Variants in CNTLN observed in about 807,000 individuals in gnomAD.
CNTLN encodes the protein centlein, also known as centlein, centrosomal protein.
A neutral mutation model predicts 180.0 loss-of-function variants in CNTLN; 212 were observed. That is an observed-to-expected ratio of 1.18 (90% confidence interval 1.05 to 1.32). The LOEUF is 1.32. CNTLN is among the 40% of genes most tolerant of loss of function. CNTLN has a pLI of 0.00. For synonymous variants in CNTLN, 722 were observed against 563.1 expected (o/e 1.28, Z -3.99); for missense variants, 2,095 against 1,610.9 (o/e 1.30, Z -5.14).
chr9:17,501,382 T>C (rs1430518838), intron 25 of CNTLN, among the ~76,000 whole-genome samples: 2 of 152,246 alleles, frequency 1.3e-5, no homozygotes, highest in African/African-American at 4.8e-5. Flanking sequence ...CTATTTCTCT[T>C]TCATGGCTAA....
intron 12 of CNTLN, among the ~76,000 whole-genome samples, chr9:17,359,717 T>TAAAAAAAAAAAAAAAAAAAAAAAAAA (rs1456379699): frequency 3.0e-4 from 4 of 13,474 alleles, no homozygotes; most frequent in Non-Finnish European, 5.2e-4. Flanking sequence ...CCGTCTATAC[T>TAAAAAAAAAAAAAAAAAAAAAAAAAA]AAAAATACAA....
chr9:17,157,325 G>T (rs1819366712), intron 2 of CNTLN, among the ~76,000 whole-genome samples: 1 of 152,126 alleles, frequency 6.6e-6, no homozygotes, highest in Admixed American at 6.5e-5. Context: ...GAGGTTTCAG[G>T]ATTATCCTTT....
intron 2 of CNTLN, among the ~76,000 whole-genome samples, chr9:17,161,015 ATT>A (rs1819640626): frequency 1.3e-5 from 2 of 152,298 alleles, no homozygotes; most frequent in South Asian, 4.1e-4. Context: ...GAAAGAGACA[ATT>A]TATAATAAGA....
chr9:17,345,689 C>G lies in CNTLN; in HGVS notation c.1886+3245C>G, dbSNP rs185159536. On this transcript the variant is annotated intron_variant, in intron 12 of 25. Coordinates refer to ENST00000380647, the MANE Select transcript of CNTLN (RefSeq NM_017738.4). ...CTTCTCCATTATAATACAGTTATCT[C>G]AAATATTTTCTCTAATTACATTGAG... is the stretch of plus-strand genomic sequence containing the variant. Among the ~76,000 whole-genome samples, 6 of 152,080 alleles carry G rather than the reference C, an allele frequency of 3.9e-5. No homozygotes were observed. The East Asian group carries it at 1.2e-3, about 29-fold the overall frequency.
intron 12 of CNTLN, among the ~76,000 whole-genome samples, chr9:17,344,213 A>C (rs1053812283): frequency 3.9e-5 from 6 of 152,212 alleles, no homozygotes; most frequent in Non-Finnish European, 8.8e-5. Context: ...TTAAAATTAG[A>C]GAACTCAGAA....
chr9:17,273,786 T>C lies in CNTLN; in HGVS notation c.903T>C (p.Ser301=). 1 of 1,566,592 alleles carries C rather than the reference T, an allele frequency of 6.4e-7. No individual in the cohort carries two copies. Among genetic ancestry groups the C allele is most frequent in the Non-Finnish European group, 8.6e-7 (1 of 1,158,696 alleles). ...GGAAAGAAGTTGAAGTATCACAGAG[T>C]AAATACAATGCTCTATCATTACAGT... ...EARKEVEVSQ[S]KYNALSLQLS... is the part of the protein sequence containing the mutation. The change falls in exon 6 of 26, where the codon AGT becomes AGC. Residue 301 remains serine, a synonymous_variant. Transcript: ENST00000380647.
chr9:17,218,238 A>G (rs974599830), intron 2 of CNTLN, among the ~76,000 whole-genome samples: 4 of 152,184 alleles, frequency 2.6e-5, no homozygotes, highest in African/African-American at 9.6e-5. Context: ...TATAAAAGCA[A>G]AGTAGATATA....
intron 19 of CNTLN, among the ~76,000 whole-genome samples, chr9:17,458,385 C>A (rs2134164788): frequency 6.6e-6 from 1 of 152,004 alleles, no homozygotes; most frequent in African/African-American, 2.4e-5. Context: ...ATTTATTCCT[C>A]ACATATTTAA....
chr9:17,298,569 A>C (rs992571275), intron 7 of CNTLN: 1 of 1,201,356 alleles, frequency 8.3e-7, no homozygotes, highest in Non-Finnish European at 1.0e-6. Context: ...TAAAATATAG[A>C]TACAAACTTA....
intron 2 of CNTLN, among the ~76,000 whole-genome samples, chr9:17,215,515 A>G (rs969685994): frequency 6.6e-6 from 1 of 152,172 alleles, no homozygotes; most frequent in African/African-American, 2.4e-5. Context: ...CCACTTGAGG[A>G]GGCAGTTTGA....
rs1247779138 is a variant in CNTLN, at chr9:17,337,917, C to T, written c.1645-2910C>T. On this transcript the variant is annotated intron_variant, in intron 10 of 25. Coordinates refer to ENST00000380647, the MANE Select transcript of CNTLN (RefSeq NM_017738.4). ...CTCTAACAAAAAACTTTAGTCATTC[C>T]CCAAACAGTTTATATATAATAATTT... Among the ~76,000 whole-genome samples the T allele has an allele frequency of 4.6e-5, 7 of 152,008 alleles. No homozygotes were observed. The East Asian group carries it at 9.7e-4, about 21-fold the overall frequency.
chr9:17,429,376 T>C (rs1829278635), intron 18 of CNTLN, among the ~76,000 whole-genome samples: 1 of 152,060 alleles, frequency 6.6e-6, no homozygotes, highest in Non-Finnish European at 1.5e-5. Context: ...ATGACTATAT[T>C]CGCTACAGCT....
chr9:17,174,429 C>T (rs1280092700), intron 2 of CNTLN, among the ~76,000 whole-genome samples: 2 of 152,150 alleles, frequency 1.3e-5, no homozygotes, highest in African/African-American at 4.8e-5. Context: ...GGTGCAGCGG[C>T]TTATGCCTGT....
chr9:17,406,755 A>G (rs1225842585), intron 15 of CNTLN, among the ~76,000 whole-genome samples: 1 of 151,804 alleles, frequency 6.6e-6, no homozygotes, highest in African/African-American at 2.4e-5. Flanking sequence ...CATAGGGCAT[A>G]GTAGCCATTC....
intron 8 of CNTLN, among the ~76,000 whole-genome samples, chr9:17,327,128 T>C (rs1820346776): frequency 7.2e-6 from 1 of 139,638 alleles, no homozygotes; most frequent in South Asian, 2.8e-4. Flanking sequence ...TGCTTAGTTT[T>C]TCTTTACATA....
chr9:17,352,389 AATATATATAT>A lies in CNTLN; in HGVS notation c.1886+9964_1886+9973del, dbSNP rs373257904. 1.4e-3 allele frequency among the ~76,000 whole-genome samples: 115 copies of A among 84,424 alleles called. 1 individual carries two copies. In the East Asian group the frequency reaches 0.028, roughly 20 times the overall value. The allele number at this position is 84,424 out of a possible 152,430, so 55.4% of individuals were successfully genotyped here. On this transcript the variant is annotated intron_variant, in intron 12 of 25. Coordinates refer to ENST00000380647, the MANE Select transcript of CNTLN (RefSeq NM_017738.4). The stretch of plus-strand genomic sequence containing the variant: ...AAGACTCCCAATCTTCTCAAGCTAG[AATATATATAT>A]ATATATATATATATATATTTTTTTT...
chr9:17,347,033 T>A (rs1821953240), intron 12 of CNTLN, among the ~76,000 whole-genome samples: 2 of 152,206 alleles, frequency 1.3e-5, no homozygotes, highest in South Asian at 4.1e-4. Context: ...TTTTGGCTAT[T>A]GTAATTTTTA....
chr9:17,433,020 C>CAAAAAAAA (rs557721017), intron 18 of CNTLN, among the ~76,000 whole-genome samples: 3 of 102,334 alleles, frequency 2.9e-5, no homozygotes, highest in Admixed American at 1.1e-4. Context: ...GACTCTGTCT[C>CAAAAAAAA]AAAAAAAAAA....
intron 5 of CNTLN, among the ~76,000 whole-genome samples, chr9:17,268,564 A>T (rs1827683454): frequency 6.6e-6 from 1 of 152,020 alleles, no homozygotes; most frequent in South Asian, 2.1e-4. Context: ...CTCTCTTCAA[A>T]GCTGTCAGAC....
Sources: allele counts gnomAD v4.1 joint callset (sites outside exome capture counted in the v4.1 genomes callset), GRCh38; gene constraint gnomAD v4.1.1; transcripts MANE v1.5; gene names NCBI Gene and HGNC (gene_info 2026-07-23, HGNC 2026-07-21).